The following ETV6 variants were observed in gnomAD, a reference collection of about 807,000 sequenced individuals.
ETV6 encodes the protein ETS variant transcription factor 6.
In ETV6, 16 loss-of-function variants were observed where a neutral mutation model predicts 51.1. That is an observed-to-expected ratio of 0.31 (90% confidence interval 0.21 to 0.48). The LOEUF is 0.48. Ranked by LOEUF, ETV6 falls within the 20% of genes least tolerant of loss-of-function variation. The probability of loss-of-function intolerance (pLI) is 0.99; values close to 1 mark genes in which losing one functional copy is unlikely to be tolerated. For synonymous variants in ETV6, 240 were observed against 224.1 expected, an observed-to-expected ratio of 1.07 and a Z score of -0.64; for missense variants, 458 against 594.8, an observed-to-expected ratio of 0.77 and a Z score of 2.39.
intron 1 of ETV6, among the ~76,000 whole-genome samples, chr12:11,677,806 T>G (rs1864449708): frequency 6.6e-6 from 1 of 152,238 alleles, no homozygotes; most frequent in Admixed American, 6.5e-5. Flanking sequence ...TACTTTATAG[T>G]GTTTCCAAGA....
At chr12:11,867,109 C>T (rs867508991) in intron 4 of ETV6, among the ~76,000 whole-genome samples, 12 of 152,154 alleles carry the variant, frequency 7.9e-5, no homozygotes, top group African/African-American at 1.4e-4. Flanking sequence ...AAATCCTCTC[C>T]GGTTTTTGTC....
chr12:11,789,203 C>A (rs1351929425), intron 2 of ETV6, among the ~76,000 whole-genome samples: 1 of 151,664 alleles, frequency 6.6e-6, no homozygotes, highest in Non-Finnish European at 1.5e-5. Context: ...CAGCTAATTT[C>A]TTGTATTTTT....
chr12:11,837,368 AGTT>A (rs1946331817), intron 2 of ETV6, among the ~76,000 whole-genome samples: 1 of 144,710 alleles, frequency 6.9e-6, no homozygotes, highest in South Asian at 2.1e-4. Context: ...AGTGCCCAGT[AGTT>A]CTTTTTTTGG....
intron 4 of ETV6, among the ~76,000 whole-genome samples, chr12:11,865,962 T>A (rs1946785537): frequency 6.6e-6 from 1 of 152,088 alleles, no homozygotes; most frequent in African/African-American, 2.4e-5. Context: ...TTTAATTTAT[T>A]CTACTCTGTT....
intron 1 of ETV6, among the ~76,000 whole-genome samples, chr12:11,661,063 C>T (rs1440344889): frequency 5.9e-5 from 9 of 152,194 alleles, no homozygotes; most frequent in Admixed American, 5.9e-4. Context: ...GATCATAGCT[C>T]ACCGTAACCT....
At chr12:11,777,698 CTCTT>C (rs1464070233) in intron 2 of ETV6, among the ~76,000 whole-genome samples, 4 of 152,294 alleles carry the variant, frequency 2.6e-5, no homozygotes, top group East Asian at 1.9e-4. Context: ...ATTCTCTCGC[CTCTT>C]TCTTCTGGCT....
chr12:11,767,477 A>G (rs1421711954), intron 2 of ETV6, among the ~76,000 whole-genome samples: 1 of 152,206 alleles, frequency 6.6e-6, no homozygotes, highest in Non-Finnish European at 1.5e-5. Context: ...TCTGTGGGGG[A>G]AAATAAACAA....
chr12:11,789,182 G>A (rs1455115858), intron 2 of ETV6, among the ~76,000 whole-genome samples: 1 of 152,026 alleles, frequency 6.6e-6, no homozygotes, highest in Non-Finnish European at 1.5e-5. Context: ...ACAGGCGCCA[G>A]CCACCATGCC....
intron 1 of ETV6, among the ~76,000 whole-genome samples, chr12:11,689,501 A>G (rs1329673388): frequency 6.6e-6 from 1 of 152,162 alleles, no homozygotes; most frequent in East Asian, 1.9e-4. Flanking sequence ...CTCCAGGAGA[A>G]AAAACTTGAT....
At chr12:11,826,145 C>G (rs1946150389) in intron 2 of ETV6, among the ~76,000 whole-genome samples, 1 of 152,134 alleles carries the variant, frequency 6.6e-6, no homozygotes, top group South Asian at 2.1e-4. Flanking sequence ...CAACAGCATG[C>G]TTTTACAAAT....
rs373685188 is a variant in ETV6, at chr12:11,840,217, C to T, written c.328+913C>T. Among the ~76,000 whole-genome samples the T allele has an allele frequency of 2.0e-5, 3 of 152,290 alleles. No individual in the cohort carries two copies. The South Asian group carries it at 6.2e-4, about 32-fold the overall frequency. On this transcript the variant is annotated intron_variant, in intron 3 of 7. Coordinates refer to ENST00000396373, the MANE Select transcript of ETV6 (RefSeq NM_001987.5). The stretch of plus-strand genomic sequence containing the variant: ...CAGAAAGCTTGTCTAATTAAGGGCT[C>T]CTGATAATGCATTAGAAGATTTCCA...
chr12:11,722,506 C>T (rs1261744673), intron 1 of ETV6, among the ~76,000 whole-genome samples: 1 of 152,188 alleles, frequency 6.6e-6, no homozygotes, highest in African/African-American at 2.4e-5. Flanking sequence ...CATTTTGGGG[C>T]ACTGCAGCCT....
At chr12:11,749,349 A>G (rs201226880) in intron 1 of ETV6, among the ~76,000 whole-genome samples, 1 of 123,670 alleles carries the variant, frequency 8.1e-6, no homozygotes, top group Non-Finnish European at 1.7e-5. Context: ...ACACACACAC[A>G]CCCCTACTCC....
chr12:11,785,252 G>T (rs1415713892), intron 2 of ETV6, among the ~76,000 whole-genome samples: 1 of 151,984 alleles, frequency 6.6e-6, no homozygotes, highest in Non-Finnish European at 1.5e-5. Context: ...TGCTGACCTC[G>T]CTCGCTGGGA....
intron 1 of ETV6, among the ~76,000 whole-genome samples, chr12:11,739,505 G>A (rs1042261351): frequency 1.2e-4 from 19 of 152,260 alleles, no homozygotes; most frequent in African/African-American, 3.4e-4. Context: ...CTATTTAAGT[G>A]TGTTTGGAAT....
intron 1 of ETV6, among the ~76,000 whole-genome samples, chr12:11,724,694 G>C (rs112192794): frequency 7.7e-4 from 118 of 152,266 alleles, no homozygotes; most frequent in African/African-American, 2.8e-3. Flanking sequence ...ATAAGCCTTA[G>C]AGAACTAGGA....
chr12:11,710,762 G>C (rs1865158648), intron 1 of ETV6, among the ~76,000 whole-genome samples: 1 of 152,200 alleles, frequency 6.6e-6, no homozygotes, highest in Admixed American at 6.5e-5. Context: ...TTCCTAGAAA[G>C]CTCTGGTTCT....
chr12:11,760,370 A>C (rs557926577), intron 2 of ETV6, among the ~76,000 whole-genome samples: 10 of 152,266 alleles, frequency 6.6e-5, no homozygotes, highest in Admixed American at 6.5e-4. Context: ...AGAACTGTAG[A>C]TGTGGGGTGG....
At chr12:11,710,528 G>A (rs948628331) in intron 1 of ETV6, among the ~76,000 whole-genome samples, 1 of 152,116 alleles carries the variant, frequency 6.6e-6, no homozygotes, top group African/African-American at 2.4e-5. Flanking sequence ...ATAGAAATGG[G>A]ATTTGAGTCC....
Sources: gnomAD v4.1 joint callset for allele counts (sites outside exome capture counted in the v4.1 genomes callset) on GRCh38, gnomAD v4.1.1 for gene constraint, MANE v1.5 for transcripts, NCBI Gene and HGNC (gene_info 2026-07-23, HGNC 2026-07-21) for gene names.